Variants in HOMER1 observed in about 807,000 individuals in gnomAD.
HOMER1 encodes homer protein homolog 1.
A neutral mutation model predicts 48.9 loss-of-function variants in HOMER1; 3 were observed. The observed-to-expected ratio is 0.06, with a 90% confidence interval of 0.03 to 0.16. HOMER1 has a LOEUF of 0.16. Among genes scored for constraint, HOMER1 ranks in the 10% least tolerant of loss-of-function variants. HOMER1 has a pLI of 1.00. For missense variants in HOMER1, 247 were observed against 411.4 expected (o/e 0.60, Z 3.46); for synonymous variants, 134 against 146.4 (o/e 0.92, Z 0.61).
At chr5:79,428,719 T>C (rs1349593284) in intron 5 of HOMER1, among the ~76,000 whole-genome samples, 8 of 152,100 alleles carry the variant, frequency 5.3e-5, no homozygotes, top group African/African-American at 1.9e-4. Flanking sequence ...TGAATACATT[T>C]AACAAAAGAA....
intron 1 of HOMER1, chr5:79,510,534 G>T (rs1580051312): frequency 1.3e-6 from 1 of 740,934 alleles, no homozygotes. Flanking sequence ...TCTCTTAAGG[G>T]GGTGGACCCC....
Position 79,439,098 on chromosome 5 carries a change from C to G in HOMER1, c.439G>C (p.Gly147Arg), listed in dbSNP as rs746687714. ...TCAGGTGTTCTTTCATCATCTGTCC[C>G]GTTGATACTTTCCGGTGTTAAAGGA... is the stretch of plus-strand genomic sequence containing the variant. ...QSPLTPESIN[G>R]TDDERTPDVT... The change falls in exon 5 of 9, where the codon GGG becomes CGG. Residue 147 changes from glycine to arginine, a missense_variant. Coordinates refer to ENST00000334082, the MANE Select transcript of HOMER1 (RefSeq NM_004272.5). 1.2e-6 allele frequency: 2 copies of G among 1,613,838 alleles called. No homozygotes were observed. Among genetic ancestry groups the G allele is most frequent in the Non-Finnish European group, 1.7e-6 (2 of 1,179,798 alleles).
At chr5:79,453,659 C>T (rs1423316780) in intron 2 of HOMER1, among the ~76,000 whole-genome samples, 1 of 152,126 alleles carries the variant, frequency 6.6e-6, no homozygotes, top group Non-Finnish European at 1.5e-5. Context: ...GTCATTACTA[C>T]CTCATGTATG....
rs1222786605 is a variant in HOMER1 at position 79,513,565 on chromosome 5, C to A, written c.-791G>T. The stretch of plus-strand genomic sequence containing the variant: ...AGAGCTGGAGGAGGGGACCCGATCC[C>A]ACCTCCCTCAGCCCCTTCCCGCCCC... On this transcript the variant is annotated 5_prime_UTR_variant, in exon 1 of 9. Transcript: ENST00000334082. 6.6e-6 allele frequency: 1 copy of A among 152,426 alleles called. No homozygotes were observed. Among genetic ancestry groups the A allele is most frequent in the Non-Finnish European group, 1.5e-5 (1 of 68,240 alleles). The allele number at this position is 152,426 out of a possible 1,614,324, so 9.4% of individuals were successfully genotyped here.
chr5:79,454,345 T>G (rs1052392734), intron 2 of HOMER1, among the ~76,000 whole-genome samples: 4 of 152,170 alleles, frequency 2.6e-5, no homozygotes, highest in Non-Finnish European at 1.5e-5. Flanking sequence ...ATTGTTATCT[T>G]TTTCTGTTAC....
chr5:79,505,152 C>T (rs573210113), intron 1 of HOMER1, among the ~76,000 whole-genome samples: 11 of 152,048 alleles, frequency 7.2e-5, no homozygotes, highest in East Asian at 3.9e-4. Context: ...CCAACTACTC[C>T]GGAGGCTGAG....
chr5:79,478,781 A>C (rs368049349), intron 1 of HOMER1, among the ~76,000 whole-genome samples: 15 of 152,044 alleles, frequency 9.9e-5, no homozygotes, highest in African/African-American at 2.7e-4. Context: ...GTGAAACCGT[A>C]TCTCTACTAA....
chr5:79,472,372 T>C (rs543874028), intron 1 of HOMER1, among the ~76,000 whole-genome samples: 4 of 152,370 alleles, frequency 2.6e-5, no homozygotes, highest in African/African-American at 4.8e-5. Flanking sequence ...TAGTGGAATA[T>C]TGTCTTAAAT....
At chr5:79,471,661 G>A (rs1751625627) in intron 1 of HOMER1, among the ~76,000 whole-genome samples, 1 of 152,122 alleles carries the variant, frequency 6.6e-6, no homozygotes, top group East Asian at 1.9e-4. Flanking sequence ...CCTGGGTGGG[G>A]AGCTCAGCAT....
chr5:79,426,540 C>T (rs1287960302), intron 5 of HOMER1, among the ~76,000 whole-genome samples: 1 of 151,864 alleles, frequency 6.6e-6, no homozygotes, highest in African/African-American at 2.4e-5. Context: ...TAAAATAAGC[C>T]ATGCGCAGAA....
At chr5:79,491,340 G>C (rs1752270607) in intron 1 of HOMER1, among the ~76,000 whole-genome samples, 1 of 148,974 alleles carries the variant, frequency 6.7e-6, no homozygotes, top group Non-Finnish European at 1.5e-5. Flanking sequence ...AGGCGAGGTA[G>C]GAGGCAGAAG....
chr5:79,444,404 G>A (rs909264313), intron 4 of HOMER1, among the ~76,000 whole-genome samples: 4 of 152,082 alleles, frequency 2.6e-5, no homozygotes, highest in Non-Finnish European at 4.4e-5. Flanking sequence ...TCTGGCTTCT[G>A]TATATTAAAT....
chr5:79,490,434 G>C (rs73124185), intron 1 of HOMER1, among the ~76,000 whole-genome samples: 12,184 of 151,884 alleles, frequency 0.08, 1,083 homozygotes, highest in East Asian at 0.23. Flanking sequence ...TAACCAATAA[G>C]ATGGCTTATA....
chr5:79,421,100 G>A (rs4422521), intron 5 of HOMER1, among the ~76,000 whole-genome samples: 2 of 152,138 alleles, frequency 1.3e-5, no homozygotes, highest in Non-Finnish European at 2.9e-5. Context: ...GTTTACAATA[G>A]AACTACTTTT....
intron 1 of HOMER1, among the ~76,000 whole-genome samples, chr5:79,494,754 A>T (rs921118722): frequency 2.6e-5 from 4 of 152,224 alleles, no homozygotes; most frequent in African/African-American, 4.8e-5. Flanking sequence ...CTGTAATCCC[A>T]GCTACTCGGG....
chr5:79,510,432 A>G, intron 1 of HOMER1: 1 of 670,160 alleles, frequency 1.5e-6, no homozygotes. Context: ...TAAGGTGCAG[A>G]CATGGCCAAG....
At chr5:79,455,810 T>A (rs1751160122) in intron 2 of HOMER1, among the ~76,000 whole-genome samples, 1 of 152,166 alleles carries the variant, frequency 6.6e-6, no homozygotes, top group African/African-American at 2.4e-5. Context: ...AGAGTCTGAT[T>A]TTTCTTTGGA....
chr5:79,427,943 T>G (rs894418759), intron 5 of HOMER1, among the ~76,000 whole-genome samples: 1 of 152,104 alleles, frequency 6.6e-6, no homozygotes. Context: ...TGTACCCCCA[T>G]TCCCTCTCTA....
intron 5 of HOMER1, among the ~76,000 whole-genome samples, chr5:79,423,458 C>T (rs368410672): frequency 6.6e-6 from 1 of 152,142 alleles, no homozygotes; most frequent in African/African-American, 2.4e-5. Context: ...ATGGATCACA[C>T]ATTTTTAATC....
Sources: allele counts gnomAD v4.1 joint callset (sites outside exome capture counted in the v4.1 genomes callset), GRCh38; gene constraint gnomAD v4.1.1; transcripts MANE v1.5; gene names NCBI Gene and HGNC (gene_info 2026-07-23, HGNC 2026-07-21).